PLA2G5: variants seen among roughly 807,000 people sequenced by gnomAD.
The protein encoded by PLA2G5 is Ca2+-dependent phospholipase A2.
In PLA2G5, 12 loss-of-function variants were observed where a neutral mutation model predicts 15.9. The ratio of observed to expected loss-of-function variants is 0.76; its 90% confidence interval spans 0.48 to 1.23. The LOEUF is 1.23. Among genes scored for constraint, PLA2G5 ranks in the 50% most tolerant of loss-of-function variants. PLA2G5 has a pLI of 0.00. For missense variants in PLA2G5, 169 were observed against 177.1 expected (o/e 0.95, Z 0.26); for synonymous variants, 71 against 71.4 (o/e 0.99, Z 0.03).
At chr1:20,061,617 C>T (rs893044524) in intron 2 of PLA2G5, among the ~76,000 whole-genome samples, 1 of 148,840 alleles carries the variant, frequency 6.7e-6, no homozygotes, top group African/African-American at 2.5e-5. Flanking sequence ...AAAATCTAAG[C>T]ACTATTATGA....
chr1:20,056,960 G>A (rs2014460905), intron 1 of PLA2G5, among the ~76,000 whole-genome samples: 1 of 152,080 alleles, frequency 6.6e-6, no homozygotes, highest in African/African-American at 2.4e-5. Flanking sequence ...GATCTTTCAA[G>A]GAATTGGTCC....
chr1:20,087,345 C>T (rs1400802356), intron 3 of PLA2G5, among the ~76,000 whole-genome samples: 3 of 152,106 alleles, frequency 2.0e-5, no homozygotes, highest in African/African-American at 4.8e-5. Context: ...TGCAGATGCT[C>T]TAGTCCCTGA....
At chr1:20,090,190 G>A (rs745490315) in intron 4 of PLA2G5, among the ~76,000 whole-genome samples, 14 of 152,210 alleles carry the variant, frequency 9.2e-5, no homozygotes, top group Non-Finnish European at 8.8e-5. Flanking sequence ...TAGAAAGCCT[G>A]CCAGTGCACA....
intron 1 of PLA2G5, among the ~76,000 whole-genome samples, chr1:20,084,451 T>C (rs1431766142): frequency 6.6e-6 from 1 of 152,218 alleles, no homozygotes; most frequent in Non-Finnish European, 1.5e-5. Flanking sequence ...AGGCCATGTC[T>C]AGGTTATATC....
At chr1:20,040,577 T>TACAC (rs60942082) in intron 1 of PLA2G5, among the ~76,000 whole-genome samples, 6 of 150,754 alleles carry the variant, frequency 4.0e-5, no homozygotes, top group African/African-American at 1.5e-4. Flanking sequence ...AGCTGACAAA[T>TACAC]ACACACACAC....
intron 1 of PLA2G5, among the ~76,000 whole-genome samples, chr1:20,034,269 C>T (rs113818305): frequency 7.2e-5 from 11 of 152,004 alleles, no homozygotes; most frequent in African/African-American, 2.7e-4. Context: ...TTCTGGAACC[C>T]CTGTGGAAGT....
chr1:20,054,444 T>C (rs932563702), intron 1 of PLA2G5, among the ~76,000 whole-genome samples: 4 of 152,186 alleles, frequency 2.6e-5, no homozygotes, highest in African/African-American at 9.6e-5. Flanking sequence ...TTTAGCCTCT[T>C]CTTTCTTATA....
At chr1:20,069,623 T>A (rs527925240), upstream of PLA2G5, among the ~76,000 whole-genome samples, 69 of 148,590 alleles carry the variant, frequency 4.6e-4, no homozygotes, top group African/African-American at 1.6e-3. Context: ...ATTGCACCAC[T>A]GCACTCCAGC....
chr1:20,032,265 G>T (rs530495242), intron 1 of PLA2G5, among the ~76,000 whole-genome samples: 3 of 152,194 alleles, frequency 2.0e-5, no homozygotes, highest in South Asian at 4.2e-4. Context: ...ACAAATGCTC[G>T]CCTGTTGTCT....
In PLA2G5 at chr1:20,073,289, TA is replaced by T. The variant is rs1287313604; in HGVS notation, c.-11+2825del. On this transcript the variant is annotated intron_variant, in intron 1 of 4. Coordinates refer to ENST00000375108, the MANE Select transcript of PLA2G5 (RefSeq NM_000929.3). ...CTTAAGAGTGAACAGTTTAATGGAT[TA>T]CATTTTTCAAAGATAAAACATGTAT... 3.9e-5 allele frequency among the ~76,000 whole-genome samples: 6 copies of T among 152,326 alleles called. No homozygotes were observed. The East Asian group carries it at 1.2e-3, about 29-fold the overall frequency.
chr1:20,071,485 G>A (rs1039500317), intron 1 of PLA2G5, among the ~76,000 whole-genome samples: 1 of 152,162 alleles, frequency 6.6e-6, no homozygotes, highest in Non-Finnish European at 1.5e-5. Flanking sequence ...GTCCCTGTCC[G>A]CAGGTTGCTC....
chr1:20,043,435 T>C (rs867200392), intron 1 of PLA2G5, among the ~76,000 whole-genome samples: 1 of 152,166 alleles, frequency 6.6e-6, no homozygotes. Context: ...AATATTGGCA[T>C]TGAGTGGGGT....
rs140232035 is a variant in PLA2G5, at chr1:20,090,643, G to A, written c.368G>A (p.Arg123Gln). Residue 123 changes from arginine (R) to glutamine (Q), a missense_variant, in exon 5 of 5, where the codon CGG (arginine) becomes CAG (glutamine). Arg to Gln is a conservative substitution (Grantham distance 43). Transcript: ENST00000375108. ...KLVYCLKRNL[R>Q]SYNPQYQYFP... is the part of the protein sequence containing the mutation. ...GTCTACTGCCTCAAGAGAAACCTAC[G>A]GAGCTACAACCCACAGTACCAATAC... 4.3e-4 allele frequency: 686 copies of A among 1,613,956 alleles called. 4 individuals are homozygous for A. Among genetic ancestry groups the A allele is most frequent in the Admixed American group, 1.8e-3 (105 of 59,998 alleles).
At chr1:20,061,792 T>C (rs916608895) in intron 2 of PLA2G5, among the ~76,000 whole-genome samples, 6 of 152,208 alleles carry the variant, frequency 3.9e-5, no homozygotes, top group African/African-American at 1.2e-4. Flanking sequence ...CATCTTTGCA[T>C]ATTTGTATTT....
Position 20,086,194 on chromosome 1 carries a change from G to A in PLA2G5, c.152G>A (p.Gly51Asp). ...YGFYGCYCGWGGRGTPKDGTD... is the reference protein window; with the variant it reads ...YGFYGCYCGWDGRGTPKDGTD... Reference sequence around the variant, plus strand: ...TTCTACGGCTGTTACTGCGGCTGGGGCGGCCGAGGAACCCCCAAGGATGGC... The same window carrying A: ...TTCTACGGCTGTTACTGCGGCTGGGACGGCCGAGGAACCCCCAAGGATGGC... Residue 51 changes from glycine (G) to aspartate (D), a missense_variant, in exon 3 of 5, where the codon GGC becomes GAC. Physicochemically the swap from Gly to Asp is moderately conservative, Grantham distance 94. Transcript: ENST00000375108. The A allele has an allele frequency of 6.2e-7, 1 of 1,614,180 alleles. No individual in the cohort carries two copies. Among genetic ancestry groups the A allele is most frequent in the Non-Finnish European group, 8.5e-7 (1 of 1,180,024 alleles).
At chr1:20,089,599 G>A (rs1210353607) in intron 3 of PLA2G5, among the ~76,000 whole-genome samples, 190 bp from the exon 4 acceptor site, 6 of 152,204 alleles carry the variant, frequency 3.9e-5, no homozygotes, top group Admixed American at 3.9e-4. Flanking sequence ...AGGAAAAAGA[G>A]GGTCCATGAC....
chr1:20,085,952 A>C, intron 2 of PLA2G5, 131 bp from the exon 3 acceptor site: 1 of 819,020 alleles, frequency 1.2e-6, no homozygotes. Flanking sequence ...CCACTAATGG[A>C]GAGAATAAAA....
Position 20,091,394 on chromosome 1 carries a change from GAT to G in PLA2G5, c.*704_*705del, listed in dbSNP as rs568333827. The stretch of plus-strand genomic sequence containing the variant: ...TTCTTCCTCGATGGGGTCAGGGAAA[GAT>G]AACTGGTGATTATGCCAGCTTCAGC... On this transcript the variant is annotated 3_prime_UTR_variant, in exon 5 of 5. Transcript: ENST00000375108. Among the ~76,000 whole-genome samples, 512 of 152,310 alleles carry G rather than the reference GAT, an allele frequency of 3.4e-3. 5 individuals are homozygous for G. Among genetic ancestry groups the G allele is most frequent in the African/African-American group, 0.012 (496 of 41,556 alleles).
At chr1:20,069,663 A>AAAAGAAAGAAAGAAAGAAAG (rs57068796), upstream of PLA2G5, among the ~76,000 whole-genome samples, 50 of 142,604 alleles carry the variant, frequency 3.5e-4, no homozygotes, top group African/African-American at 1.1e-3. Flanking sequence ...CTCAGCTCAG[A>AAAAGAAAGAAAGAAAGAAAG]AAAGAAAGAA....
Sources: allele counts gnomAD v4.1 joint callset (sites outside exome capture counted in the v4.1 genomes callset), GRCh38; gene constraint gnomAD v4.1.1; transcripts MANE v1.5; gene names NCBI Gene and HGNC (gene_info 2026-07-23, HGNC 2026-07-21).